The following ACSL6 variants were observed in gnomAD, a reference collection of about 807,000 sequenced individuals.
ACSL6 encodes the protein long-chain-fatty-acid--CoA ligase 6.
A neutral mutation model predicts 98.2 loss-of-function variants in ACSL6; 47 were observed. That is an observed-to-expected ratio of 0.48 (90% CI 0.38 to 0.61). The LOEUF is 0.61. ACSL6 is among the 20% of genes least tolerant of loss of function. ACSL6 has a pLI of 0.00. For missense variants in ACSL6, 761 were observed against 913.4 expected (o/e 0.83, Z 2.15); for synonymous variants, 362 against 336.9 (o/e 1.07, Z -0.82).
chr5:131,962,923 A>G (rs1437496647), intron 17 of ACSL6, among the ~76,000 whole-genome samples: 3 of 151,954 alleles, frequency 2.0e-5, no homozygotes, highest in African/African-American at 7.3e-5. Flanking sequence ...CTCAGCAGTT[A>G]GCCCCCCACA....
At chr5:131,974,812 C>T (rs758786332) in intron 11 of ACSL6, 81 bp downstream of exon 11, 55 of 1,613,082 alleles carry the variant, frequency 3.4e-5, no homozygotes, top group African/African-American at 1.3e-5. Context: ...TGTGCACATC[C>T]GCACAAGTGG....
chr5:131,991,195 G>A (rs1018755411), intron 2 of ACSL6, among the ~76,000 whole-genome samples: 4 of 152,170 alleles, frequency 2.6e-5, no homozygotes, highest in South Asian at 2.1e-4. Context: ...CATAAAGGCC[G>A]GGTATACCAG....
intron 10 of ACSL6, chr5:131,975,728 C>A: frequency 1.0e-6 from 1 of 985,462 alleles, no homozygotes; most frequent in Non-Finnish European, 1.2e-6. Flanking sequence ...GCTACTCCAG[C>A]CAGGGGAGCC....
chr5:131,996,386 G>A (rs1432383269), intron 1 of ACSL6, among the ~76,000 whole-genome samples: 4 of 152,246 alleles, frequency 2.6e-5, no homozygotes, highest in Non-Finnish European at 5.9e-5. Flanking sequence ...ATGGGAAGAT[G>A]AAATCACAGC....
At chr5:131,987,920 TG>T in intron 7 of ACSL6, 127 bp downstream of exon 7, 1 of 1,252,476 alleles carries the variant, frequency 8.0e-7, no homozygotes, top group South Asian at 1.4e-5. Context: ...CTGCCCTGTC[TG>T]GACACTGATA....
At chr5:131,997,629 C>G (rs971246288) in intron 1 of ACSL6, among the ~76,000 whole-genome samples, 2 of 152,228 alleles carry the variant, frequency 1.3e-5, no homozygotes, top group Non-Finnish European at 2.9e-5. Context: ...GGCCTTACAT[C>G]AAGAACTCAC....
chr5:131,989,266 G>T, intron 5 of ACSL6, 141 bp downstream of exon 5: 1 of 804,140 alleles, frequency 1.2e-6, no homozygotes, highest in Non-Finnish European at 2.0e-6. Flanking sequence ...GCCAGGGTGG[G>T]AAGAGGAGTG....
Position 131,950,431 on chromosome 5 carries a change from T to G in ACSL6, c.*3803A>C, listed in dbSNP as rs1199704884. On this transcript the variant is annotated 3_prime_UTR_variant, in exon 21 of 21. Coordinates refer to ENST00000651883, the MANE Select transcript of ACSL6 (RefSeq NM_001009185.3). Reference sequence around the variant, plus strand: ...CTTATTGCAGTTAATTGTAAATTCATAGAAAGTATTTTCTAGCATACTTGA... The same window carrying G: ...CTTATTGCAGTTAATTGTAAATTCAGAGAAAGTATTTTCTAGCATACTTGA... 4.9e-6 allele frequency: 1 copy of G among 204,352 alleles called. No individual in the cohort carries two copies. The highest frequency in any genetic ancestry group is 1.0e-5 in the Non-Finnish European group (1 of 99,834). 12.7% of individuals were successfully genotyped at this position (204,352 alleles called of 1,614,324 possible). A position where few individuals can be genotyped will look rare whatever the true frequency, so the allele number is the denominator to read the frequency against.
chr5:131,950,865 A>C lies in ACSL6; in HGVS notation c.*3369T>G, dbSNP rs1424551527. 5.3e-6 allele frequency: 1 copy of C among 188,676 alleles called. No individual in the cohort carries two copies. Among genetic ancestry groups the C allele is most frequent in the South Asian group, 1.9e-4 (1 of 5,140 alleles). The allele number at this position is 188,676 out of a possible 1,614,324, so 11.7% of individuals were successfully genotyped here. On this transcript the variant is annotated 3_prime_UTR_variant, in exon 21 of 21. Transcript: ENST00000651883. ...CCAATGGAAAGTTCTATTTTTTCTC[A>C]TACTTGTAGTTTTAACTACATGTAG...
chr5:131,950,094 C>T lies in ACSL6; in HGVS notation c.*4140G>A, dbSNP rs1275502522. On this transcript the variant is annotated 3_prime_UTR_variant, in exon 21 of 21. Transcript: ENST00000651883. Reference sequence around the variant, plus strand: ...TAATTACAGTTAAGATACTTTTATGCATATTTAAAAAGTAATATTTTAATC... The same window carrying T: ...TAATTACAGTTAAGATACTTTTATGTATATTTAAAAAGTAATATTTTAATC... 1.1e-5 allele frequency: 2 copies of T among 182,912 alleles called. No homozygotes were observed. Among genetic ancestry groups the T allele is most frequent in the African/African-American group, 4.7e-5 (2 of 42,528 alleles). 11.3% of individuals were successfully genotyped at this position (182,912 alleles called of 1,614,324 possible).
intron 4 of ACSL6, 37 bp from the exon 5 acceptor site, chr5:131,989,545 G>T (rs755564017): frequency 9.5e-6 from 11 of 1,163,942 alleles, no homozygotes; most frequent in Non-Finnish European, 1.3e-6. Context: ...GGAAAACAAG[G>T]ACTCTTCAAC....
chr5:131,966,407 CAT>C lies in ACSL6; in HGVS notation c.1713+7_1713+8del. The C allele has an allele frequency of 1.2e-6, 2 of 1,613,962 alleles. No individual in the cohort carries two copies. Among genetic ancestry groups the C allele is most frequent in the Non-Finnish European group, 1.7e-6 (2 of 1,179,938 alleles). ...ATGTTTGGAGCTCCGTGGTTCCAAA[CAT>C]ACACACCGGCAGCCATTTTCCGATG... On this transcript the variant is annotated splice_region_variant and intron_variant, in intron 17 of 20. Transcript: ENST00000651883.
chr5:131,974,892 C>A lies in ACSL6; in HGVS notation c.1068+1G>T. 6.2e-7 allele frequency: 1 copy of A among 1,614,162 alleles called. No individual in the cohort carries two copies. The highest frequency in any genetic ancestry group is 1.1e-5 in the South Asian group (1 of 91,072). The stretch of plus-strand genomic sequence containing the variant: ...CCCGGTCAGTCAGGTGGGTGTCTTA[C>A]CTGGATTACTCTCTCAAACATGTGA... On this transcript the variant is annotated splice_donor_variant, in intron 11 of 20. Transcript: ENST00000651883. LOFTEE classifies it high-confidence loss of function.
intron 1 of ACSL6, among the ~76,000 whole-genome samples, chr5:132,002,889 A>T (rs776277026): frequency 1.3e-5 from 2 of 152,098 alleles, no homozygotes; most frequent in Non-Finnish European, 2.9e-5. Flanking sequence ...GGTGATGGGT[A>T]CTGTATATCT....
intron 7 of ACSL6, among the ~76,000 whole-genome samples, 179 bp downstream of exon 7, chr5:131,987,869 T>C (rs1390072046): frequency 1.3e-5 from 2 of 152,154 alleles, no homozygotes; most frequent in African/African-American, 4.8e-5. Context: ...AGGATGCCTG[T>C]GGGCACCAAC....
At chr5:132,010,061 C>T (rs1755626581) in intron 1 of ACSL6, among the ~76,000 whole-genome samples, 1 of 152,204 alleles carries the variant, frequency 6.6e-6, no homozygotes, top group East Asian at 1.9e-4. Context: ...ATTATCCTTG[C>T]CCTTTACCTC....
chr5:131,957,078 C>T (rs1282848380), intron 20 of ACSL6, among the ~76,000 whole-genome samples: 2 of 152,034 alleles, frequency 1.3e-5, no homozygotes, highest in African/African-American at 4.8e-5. Flanking sequence ...ATTTTAGAGA[C>T]ATAGTATTTT....
intron 1 of ACSL6, chr5:131,994,560 T>G (rs569111860): frequency 7.5e-5 from 30 of 398,672 alleles, no homozygotes; most frequent in Non-Finnish European, 1.4e-4. Context: ...CTGGCAGCTC[T>G]GGGAATGATG....
chr5:132,011,561 A>G lies in ACSL6; in HGVS notation c.-8T>C. 1 of 1,581,022 alleles carries G rather than the reference A, an allele frequency of 6.3e-7. No individual in the cohort carries two copies. The highest frequency in any genetic ancestry group is 2.5e-5 in the East Asian group (1 of 40,594). The stretch of plus-strand genomic sequence containing the variant: ...GAGGAAGAAGGTCAGCATGGCGGTC[A>G]GCGGGGCCCGGCCCGGCCCGGCCCG... On this transcript the variant is annotated 5_prime_UTR_variant, in exon 1 of 21. Coordinates refer to ENST00000651883, the MANE Select transcript of ACSL6 (RefSeq NM_001009185.3). The surrounding 1 kb of genome is among the most constrained non-coding windows in gnomAD (Gnocchi z 5.4).
Sources: gnomAD v4.1 joint callset for allele counts (sites outside exome capture counted in the v4.1 genomes callset) on GRCh38, gnomAD v4.1.1 for gene constraint, Gnocchi (gnomAD v3.1) non-coding constraint, MANE v1.5 for transcripts, NCBI Gene and HGNC (gene_info 2026-07-23, HGNC 2026-07-21) for gene names.